Variants in NRXN3 observed in about 807,000 individuals in gnomAD.
NRXN3 encodes neurexin 3, also known as neurexin III.
A neutral mutation model predicts 137.6 loss-of-function variants in NRXN3; 32 were observed. The observed-to-expected ratio is 0.23, with a 90% CI of 0.18 to 0.31. The LOEUF (loss-of-function observed/expected upper bound fraction) is 0.31, where lower values mean the gene tolerates loss of function less well. Ranked by LOEUF, NRXN3 falls within the 10% of genes least tolerant of loss-of-function variation. NRXN3 has a pLI of 1.00. For synonymous variants in NRXN3, 798 were observed against 784.5 expected, an observed-to-expected ratio of 1.02 and a Z score of -0.29; for missense variants, 1,574 against 2,062.5, an observed-to-expected ratio of 0.76 and a Z score of 4.59.
intron 15 of NRXN3, among the ~76,000 whole-genome samples, chr14:79,228,242 A>G (rs188267859): frequency 1.3e-5 from 2 of 152,228 alleles, no homozygotes; most frequent in Admixed American, 6.5e-5. Context: ...TAGGCACTCT[A>G]TTGTAGAAGT....
intron 8 of NRXN3, among the ~76,000 whole-genome samples, chr14:78,788,211 C>T (rs554500139): frequency 1.3e-5 from 2 of 152,218 alleles, no homozygotes; most frequent in East Asian, 1.9e-4. Context: ...AGCAATGGGC[C>T]ACCTCTAGAC....
At chr14:78,722,207 G>C (rs1040745275) in intron 8 of NRXN3, among the ~76,000 whole-genome samples, 1 of 152,120 alleles carries the variant, frequency 6.6e-6, no homozygotes, top group Non-Finnish European at 1.5e-5. Flanking sequence ...ATCGACACCT[G>C]CATTCAACCT....
chr14:79,603,841 G>C lies in NRXN3; in HGVS notation c.3445-59937G>C, dbSNP rs573860174. Among the ~76,000 whole-genome samples the C allele has an allele frequency of 9.9e-5, 15 of 152,276 alleles. No homozygotes were observed. The East Asian group carries it at 2.7e-3, about 27-fold the overall frequency. On this transcript the variant is annotated intron_variant, in intron 16 of 20. Coordinates refer to ENST00000335750, the MANE Select transcript of NRXN3 (RefSeq NM_001330195.2). ...ATTCTTTTCATACAAGTATGCTGCA[G>C]AGGAATGGAAGAGTGGGAATATAAA... is the stretch of plus-strand genomic sequence containing the variant.
intron 15 of NRXN3, among the ~76,000 whole-genome samples, chr14:79,315,716 A>G (rs1416366693): frequency 6.6e-6 from 1 of 152,192 alleles, no homozygotes; most frequent in Non-Finnish European, 1.5e-5. Flanking sequence ...TTCCTTTAAT[A>G]TAAAAAAGGG....
At chr14:78,916,612 A>AT (rs1441713640) in intron 10 of NRXN3, among the ~76,000 whole-genome samples, 1 of 152,226 alleles carries the variant, frequency 6.6e-6, no homozygotes, top group East Asian at 1.9e-4. Flanking sequence ...GGTCCGAGAC[A>AT]TAAGGAGAGG....
At chr14:79,655,304 G>A (rs1449139054) in intron 16 of NRXN3, among the ~76,000 whole-genome samples, 1 of 151,944 alleles carries the variant, frequency 6.6e-6, no homozygotes, top group African/African-American at 2.4e-5. Flanking sequence ...CTGGCTCTGT[G>A]AGCATGCATT....
intron 15 of NRXN3, among the ~76,000 whole-genome samples, chr14:79,307,359 T>C (rs1269559814): frequency 6.6e-6 from 1 of 152,162 alleles, no homozygotes; most frequent in East Asian, 1.9e-4. Context: ...TTTATTATAT[T>C]TTAGGTTTAC....
intron 15 of NRXN3, among the ~76,000 whole-genome samples, chr14:79,377,575 G>A (rs893989621): frequency 1.0e-4 from 15 of 149,916 alleles, no homozygotes; most frequent in South Asian, 6.4e-4. Flanking sequence ...CCAACATAGC[G>A]AAACTCTGTC....
intron 16 of NRXN3, among the ~76,000 whole-genome samples, chr14:79,492,784 C>A (rs187332049): frequency 6.6e-6 from 1 of 152,130 alleles, no homozygotes; most frequent in African/African-American, 2.4e-5. Flanking sequence ...TGACTTTCCA[C>A]GGCCAGATAC....
At chr14:78,851,696 A>T (rs945498153) in intron 10 of NRXN3, among the ~76,000 whole-genome samples, 1 of 152,198 alleles carries the variant, frequency 6.6e-6, no homozygotes, top group Non-Finnish European at 1.5e-5. Context: ...TGTCACTCAG[A>T]TGGAAGGAAA....
intron 8 of NRXN3, among the ~76,000 whole-genome samples, chr14:78,783,833 A>G (rs2098778982): frequency 6.6e-6 from 1 of 152,178 alleles, no homozygotes; most frequent in Non-Finnish European, 1.5e-5. Flanking sequence ...ATAGAAGGCC[A>G]TGGAAAAGGG....
chr14:79,371,067 A>G (rs1251224528), intron 15 of NRXN3, among the ~76,000 whole-genome samples: 5 of 152,166 alleles, frequency 3.3e-5, no homozygotes, highest in African/African-American at 7.2e-5. Flanking sequence ...AAAAATGGCA[A>G]TGCTCAATAA....
At chr14:78,725,866 A>G (rs2098480739) in intron 8 of NRXN3, among the ~76,000 whole-genome samples, 1 of 152,230 alleles carries the variant, frequency 6.6e-6, no homozygotes, top group Non-Finnish European at 1.5e-5. Context: ...CTAAATGCTT[A>G]GCAGTGGTTA....
At chr14:79,212,947 A>G (rs964432442) in intron 15 of NRXN3, among the ~76,000 whole-genome samples, 1 of 151,962 alleles carries the variant, frequency 6.6e-6, no homozygotes, top group African/African-American at 2.4e-5. Context: ...GATTACTTTC[A>G]TTGCATTTTT....
Position 78,406,626 on chromosome 14 carries a change from T to G in NRXN3, c.757+108766T>G, listed in dbSNP as rs185520376. Among the ~76,000 whole-genome samples, 462 of 152,328 alleles carry G rather than the reference T, an allele frequency of 3.0e-3. 4 individuals are homozygous for G. Among genetic ancestry groups the G allele is most frequent in the African/African-American group, 0.011 (449 of 41,570 alleles). On this transcript the variant is annotated intron_variant, in intron 4 of 20. Transcript: ENST00000335750. ...GCAGAAATCCTCACAGCACAAGCAC[T>G]GGTAGCAGTGGAGGGTGGGTAGGCC...
intron 4 of NRXN3, among the ~76,000 whole-genome samples, chr14:78,528,699 T>C (rs1201783171): frequency 1.3e-5 from 2 of 152,126 alleles, no homozygotes. Flanking sequence ...GCAGAAGGGA[T>C]CACTTTTAGA....
intron 15 of NRXN3, among the ~76,000 whole-genome samples, chr14:79,344,631 TC>T (rs2092778440): frequency 6.6e-6 from 1 of 152,174 alleles, no homozygotes; most frequent in Admixed American, 6.5e-5. Context: ...ACTTTTTTAT[TC>T]CTAAATGTAT....
chr14:79,214,226 A>G (rs1233970818), intron 15 of NRXN3, among the ~76,000 whole-genome samples: 1 of 152,224 alleles, frequency 6.6e-6, no homozygotes, highest in Non-Finnish European at 1.5e-5. Flanking sequence ...CAGTGAGGAC[A>G]ATTCTGTGGT....
chr14:78,943,063 A>T (rs535527948), intron 10 of NRXN3, among the ~76,000 whole-genome samples: 64 of 152,176 alleles, frequency 4.2e-4, no homozygotes, highest in Admixed American at 5.2e-4. Context: ...AAGATGAATC[A>T]AAAATTAAAT....
Sources: allele counts gnomAD v4.1 joint callset (sites outside exome capture counted in the v4.1 genomes callset), GRCh38; gene constraint gnomAD v4.1.1; transcripts MANE v1.5; gene names NCBI Gene and HGNC (gene_info 2026-07-23, HGNC 2026-07-21).